REXO4: variants seen among roughly 807,000 people sequenced by gnomAD.
The protein encoded by REXO4 is RNA exonuclease 4.
REXO4 carries 29 observed loss-of-function variants against 39.9 expected under a neutral mutation model. The observed-to-expected ratio is 0.73, with a 90% CI of 0.54 to 0.99. The LOEUF is 0.99. Ranked by LOEUF, REXO4 falls within the 50% of genes least tolerant of loss-of-function variation. The pLI, the probability that REXO4 is intolerant of heterozygous loss-of-function variation, is 0.00. For synonymous variants in REXO4, 184 were observed against 206.2 expected (o/e 0.89, Z 0.92); for missense variants, 524 against 546.5 (o/e 0.96, Z 0.41).
intron 2 of REXO4, 40 bp downstream of exon 2, chr9:133,414,625 C>T: frequency 6.3e-7 from 1 of 1,589,796 alleles, no homozygotes; most frequent in Non-Finnish European, 8.6e-7. Flanking sequence ...GGTGAAGTCG[C>T]TGTGCCTCGG....
chr9:133,413,467 C>T (rs182857994), intron 2 of REXO4, among the ~76,000 whole-genome samples: 137 of 152,206 alleles, frequency 9.0e-4, no homozygotes, highest in African/African-American at 2.8e-3. Flanking sequence ...CAGACAAACA[C>T]AAAGAATATA....
chr9:133,412,161 A>C, intron 4 of REXO4, 138 bp downstream of exon 4: 1 of 875,470 alleles, frequency 1.1e-6, no homozygotes. Context: ...GTATTTTAAA[A>C]CCCATCGCCC....
Position 133,407,962 on chromosome 9 carries a change from G to C in REXO4, c.1075-81C>G. ...CACCCCACCAAGCAGGGAGCGGTTG[G>C]CTACTGAACCTCACCCAAGCGACCT... On this transcript the variant is annotated intron_variant, in intron 6 of 7. Transcript: ENST00000371942. 3 of 1,119,982 alleles carry C rather than the reference G, an allele frequency of 2.7e-6. No homozygotes were observed. The South Asian group carries it at 4.0e-5, about 15-fold the overall frequency. 69.4% of individuals were successfully genotyped at this position (1,119,982 alleles called of 1,614,324 possible).
chr9:133,411,893 T>C lies in REXO4; in HGVS notation c.910+406A>G, dbSNP rs377063614. ...GTGAGCCCAGATTGTGCCATTGCAC[T>C]TCAGCCTGGGCAACAAGAGCAAAAC... On this transcript the variant is annotated intron_variant, in intron 4 of 7. Transcript: ENST00000371942. Among the ~76,000 whole-genome samples the C allele has an allele frequency of 3.0e-4, 46 of 152,244 alleles. 1 individual carries two copies. Among genetic ancestry groups the C allele is most frequent in the African/African-American group, 9.4e-4 (39 of 41,556 alleles).
At chr9:133,408,613 G>T (rs898979872) in intron 6 of REXO4, among the ~76,000 whole-genome samples, 155 bp downstream of exon 6, 1 of 152,106 alleles carries the variant, frequency 6.6e-6, no homozygotes, top group Non-Finnish European at 1.5e-5. Context: ...TCAGCAATTA[G>T]CAGAACTCTA....
intron 2 of REXO4, 104 bp from the exon 3 acceptor site, chr9:133,413,025 C>G (rs1839318803): frequency 7.8e-7 from 1 of 1,279,876 alleles, no homozygotes; most frequent in African/African-American, 1.5e-5. Context: ...ATGGCACAGC[C>G]TGCCTCTCCC....
At chr9:133,408,271 C>G (rs1554779377) in intron 6 of REXO4, among the ~76,000 whole-genome samples, 1 of 152,032 alleles carries the variant, frequency 6.6e-6, no homozygotes, top group Non-Finnish European at 1.5e-5. Flanking sequence ...CAGGGCAACA[C>G]AGCAAGACCC....
chr9:133,417,536 T>C (rs1056736849), intron 1 of REXO4, 84 bp downstream of exon 1: 20 of 1,431,864 alleles, frequency 1.4e-5, no homozygotes, highest in Admixed American at 1.1e-4. Flanking sequence ...TACAGGTCTT[T>C]TGGGGCTACC....
chr9:133,415,469 T>TG (rs1251407779), intron 1 of REXO4, among the ~76,000 whole-genome samples: 1 of 146,480 alleles, frequency 6.8e-6, no homozygotes, highest in Non-Finnish European at 1.5e-5. Flanking sequence ...CTCAGGAAGG[T>TG]GGGGGGTGTC....
intron 2 of REXO4, among the ~76,000 whole-genome samples, chr9:133,413,544 C>G (rs782182169): frequency 9.2e-5 from 14 of 152,182 alleles, no homozygotes; most frequent in African/African-American, 2.9e-4. Context: ...GAAGGTAACA[C>G]GTTCATTATT....
chr9:133,415,582 G>A (rs1034469553), intron 1 of REXO4: 26 of 152,998 alleles, frequency 1.7e-4, no homozygotes, highest in African/African-American at 6.3e-4. Context: ...TAGTCTTAGA[G>A]CCCAGCTTCC....
rs782099859 is a variant in REXO4 at position 133,415,010 on chromosome 9, C to T, written c.227G>A (p.Trp76Ter). Reference protein sequence around the residue: ...FSQNWKALQEWLLKQKSQAPE... With the variant: ...FSQNWKALQE The stretch of plus-strand genomic sequence containing the variant: ...GGCCTGAGATTTTTGTTTCAGCAGC[C>T]ACTGGGACCCAAAATAAAATACATG... The change falls in exon 2 of 8, where the codon TGG becomes TAG. Residue 76 changes from tryptophan (W) to a stop codon, truncating the protein, a stop_gained and splice_region_variant. Transcript: ENST00000371942. LOFTEE classifies it high-confidence loss of function. 7 of 1,576,318 alleles carry T rather than the reference C, an allele frequency of 4.4e-6. No individual in the cohort carries two copies. The highest frequency in any genetic ancestry group is 6.0e-6 in the Non-Finnish European group (7 of 1,168,458).
Position 133,406,831 on chromosome 9 carries a change from C to A in REXO4, c.*122G>T, listed in dbSNP as rs1348633209. The stretch of plus-strand genomic sequence containing the variant: ...ACCTTCTCAGTAGCACCACGCCACG[C>A]CCCTCTGCCATGATTCTGAAAAGGT... On this transcript the variant is annotated 3_prime_UTR_variant, in exon 8 of 8. Coordinates refer to ENST00000371942, the MANE Select transcript of REXO4 (RefSeq NM_020385.4). The A allele has an allele frequency of 7.0e-7, 1 of 1,433,130 alleles. No individual in the cohort carries two copies. The highest frequency in any genetic ancestry group is 9.5e-7 in the Non-Finnish European group (1 of 1,047,142). 88.8% of individuals were successfully genotyped at this position (1,433,130 alleles called of 1,614,324 possible).
Position 133,406,755 on chromosome 9 carries a change from C to T in REXO4, c.*198G>A. On this transcript the variant is annotated 3_prime_UTR_variant, in exon 8 of 8. Transcript: ENST00000371942. The stretch of plus-strand genomic sequence containing the variant: ...CACCCTGACCATCCGGGCCCAAACA[C>T]ACATGGACAGTAAGACCAGGTTTCA... 3.8e-6 allele frequency: 3 copies of T among 784,756 alleles called. No homozygotes were observed. Among genetic ancestry groups the T allele is most frequent in the Non-Finnish European group, 6.0e-6 (3 of 501,836 alleles). The allele number at this position is 784,756 out of a possible 1,614,324, so 48.6% of individuals were successfully genotyped here.
In REXO4 at chr9:133,411,052, T is replaced by C. The variant is rs782337616; in HGVS notation, c.932A>G (p.Gln311Arg). The C allele has an allele frequency of 6.2e-6, 10 of 1,614,028 alleles. No homozygotes were observed. The East Asian group carries it at 2.0e-4, about 32-fold the overall frequency. The change falls in exon 5 of 8, where the codon CAG becomes CGG. Residue 311 changes from glutamine (Q) to arginine (R), a missense_variant. Physicochemically the swap from Gln to Arg is conservative, Grantham distance 43. Transcript: ENST00000371942. ...CTTCAGCATCTCTGCCACTTCCTTCTGAACAACTTCAAGCTCTTCTCCTGG... is the reference window on the plus strand; with the variant it reads ...CTTCAGCATCTCTGCCACTTCCTTCCGAACAACTTCAAGCTCTTCTCCTGG... ...LKQGEELEVV[Q>R]KEVAEMLKGR...
At position 133,417,853 on chromosome 9, in the gene REXO4, C is replaced by G; in HGVS notation, c.-9G>C. 1.3e-6 allele frequency: 2 copies of G among 1,590,646 alleles called. No individual in the cohort carries two copies. The highest frequency in any genetic ancestry group is 1.7e-6 in the Non-Finnish European group (2 of 1,173,374). ...ACCTTCGCCTTCCCCATCCTGCTGCCGTCCAGCGCCTGGGCCGGCGGCCAC... is the reference window on the plus strand; with the variant it reads ...ACCTTCGCCTTCCCCATCCTGCTGCGGTCCAGCGCCTGGGCCGGCGGCCAC... On this transcript the variant is annotated 5_prime_UTR_variant, in exon 1 of 8. Coordinates refer to ENST00000371942, the MANE Select transcript of REXO4 (RefSeq NM_020385.4).
Position 133,406,811 on chromosome 9 carries a change from C to T in REXO4, c.*142G>A. 4 of 1,237,782 alleles carry T rather than the reference C, an allele frequency of 3.2e-6. No individual in the cohort carries two copies. The East Asian group carries it at 9.6e-5, about 30-fold the overall frequency. 76.7% of individuals were successfully genotyped at this position (1,237,782 alleles called of 1,614,324 possible). ...CAAAGTCAAGAGGAAGGAGGACCTT[C>T]TCAGTAGCACCACGCCACGCCCCTC... On this transcript the variant is annotated 3_prime_UTR_variant, in exon 8 of 8. Coordinates refer to ENST00000371942, the MANE Select transcript of REXO4 (RefSeq NM_020385.4).
intron 7 of REXO4, among the ~76,000 whole-genome samples, chr9:133,407,322 G>A (rs1838942061): frequency 6.6e-6 from 1 of 152,208 alleles, no homozygotes; most frequent in South Asian, 2.1e-4. Flanking sequence ...AACCCAAAGA[G>A]GAGAAGCAAC....
Position 133,411,029 on chromosome 9 carries a change from T to A in REXO4, c.955A>T (p.Lys319Ter). ...GCGTGCCCCACTAGAATTCTGCCCT[T>A]CAGCATCTCTGCCACTTCCTTCTGA... ...VVQKEVAEML[K>*]GRILVGHALH... Residue 319 changes from lysine (K) to a stop codon, truncating the protein, a stop_gained, in exon 5 of 8, where the codon AAG becomes TAG. Coordinates refer to ENST00000371942, the MANE Select transcript of REXO4 (RefSeq NM_020385.4). LOFTEE classifies it high-confidence loss of function. 6.2e-7 allele frequency: 1 copy of A among 1,614,162 alleles called. No homozygotes were observed.
Sources: gnomAD v4.1 joint callset for allele counts (sites outside exome capture counted in the v4.1 genomes callset) on GRCh38, gnomAD v4.1.1 for gene constraint, MANE v1.5 for transcripts, NCBI Gene and HGNC (gene_info 2026-07-23, HGNC 2026-07-21) for gene names.